SMYD3: variants seen among roughly 807,000 people sequenced by gnomAD.
SMYD3 encodes the protein SET and MYND domain containing 3.
A neutral mutation model predicts 57.7 loss-of-function variants in SMYD3; 36 were observed. The observed-to-expected ratio is 0.62, with a 90% CI of 0.48 to 0.82. SMYD3 has a LOEUF of 0.82. Ranked by LOEUF, SMYD3 falls within the 40% of genes least tolerant of loss-of-function variation. The probability of loss-of-function intolerance (pLI) is 0.00; values close to 1 mark genes in which losing one functional copy is unlikely to be tolerated. For synonymous variants in SMYD3, 211 were observed against 195.0 expected, an observed-to-expected ratio of 1.08 and a Z score of -0.68; for missense variants, 515 against 538.8, an observed-to-expected ratio of 0.96 and a Z score of 0.44.
At chr1:246,002,302 A>T (rs1451929139) in intron 5 of SMYD3, among the ~76,000 whole-genome samples, 1 of 99,958 alleles carries the variant, frequency 1.0e-5, no homozygotes, top group Admixed American at 1.2e-4. Context: ...CTCCTGCCTC[A>T]GCCTCCCGAG....
chr1:246,310,748 C>T (rs1279127252), intron 5 of SMYD3, among the ~76,000 whole-genome samples: 2 of 144,930 alleles, frequency 1.4e-5, no homozygotes, highest in East Asian at 4.4e-4. Flanking sequence ...TGGCTCACTG[C>T]AACCTCTGCC....
intron 8 of SMYD3, among the ~76,000 whole-genome samples, chr1:245,889,734 C>T (rs1051603013): frequency 6.6e-6 from 1 of 152,136 alleles, no homozygotes; most frequent in African/African-American, 2.4e-5. Flanking sequence ...AACAGAAAAA[C>T]TAATCCCCAA....
intron 5 of SMYD3, among the ~76,000 whole-genome samples, chr1:246,120,795 T>C (rs1035700425): frequency 6.6e-6 from 1 of 152,148 alleles, no homozygotes; most frequent in Admixed American, 6.5e-5. Context: ...CTGAATGTAT[T>C]TGGGGTTAGT....
intron 5 of SMYD3, among the ~76,000 whole-genome samples, chr1:246,164,864 C>T (rs534709385): frequency 6.6e-6 from 1 of 152,324 alleles, no homozygotes; most frequent in South Asian, 2.1e-4. Flanking sequence ...TGTTGTGCAA[C>T]AGGTCCCATG....
At position 246,085,712 on chromosome 1, in the gene SMYD3, C is replaced by G. The variant is rs147956196; in HGVS notation, c.532-155775G>C. ...CTCACGTTTAACTGCTTCTTCGGGT[C>G]TTCATTTCCTTATGAAGTCTCCCAT... On this transcript the variant is annotated intron_variant, in intron 5 of 11. Transcript: ENST00000490107. Among the ~76,000 whole-genome samples the G allele has an allele frequency of 1.7e-3, 259 of 152,204 alleles. 1 individual carries two copies. Among genetic ancestry groups the G allele is most frequent in the African/African-American group, 6.1e-3 (255 of 41,514 alleles).
chr1:245,775,278 G>A (rs2046532421), intron 10 of SMYD3, among the ~76,000 whole-genome samples: 1 of 152,216 alleles, frequency 6.6e-6, no homozygotes, highest in African/African-American at 2.4e-5. Context: ...AGTGGAAGGG[G>A]GGAAGTGTGG....
At chr1:246,324,386 G>A (rs2065303285) in intron 5 of SMYD3, among the ~76,000 whole-genome samples, 1 of 140,576 alleles carries the variant, frequency 7.1e-6, no homozygotes, top group African/African-American at 2.7e-5. Context: ...CTGCACCCTA[G>A]CCTGGGCGAC....
chr1:246,143,752 T>C (rs942833060), intron 5 of SMYD3, among the ~76,000 whole-genome samples: 2 of 152,342 alleles, frequency 1.3e-5, no homozygotes, highest in Non-Finnish European at 2.9e-5. Flanking sequence ...TAGATTCTGC[T>C]TATTCATGCT....
chr1:245,817,302 G>C (rs12028860), intron 10 of SMYD3, among the ~76,000 whole-genome samples: 2 of 143,204 alleles, frequency 1.4e-5, no homozygotes, highest in Admixed American at 7.1e-5. Flanking sequence ...CACCTCACAT[G>C]GCAGGGTATT....
chr1:246,384,102 A>G (rs1162989096), intron 1 of SMYD3, among the ~76,000 whole-genome samples: 1 of 152,202 alleles, frequency 6.6e-6, no homozygotes, highest in Non-Finnish European at 1.5e-5. Context: ...TGTATCTCAT[A>G]TGAAGTATTT....
At chr1:245,910,605 G>A (rs2054900362) in intron 8 of SMYD3, among the ~76,000 whole-genome samples, 1 of 151,988 alleles carries the variant, frequency 6.6e-6, no homozygotes, top group East Asian at 1.9e-4. Context: ...ACACATGAAA[G>A]AACGTAGAAA....
rs554007469 is a variant in SMYD3 at position 246,337,226 on chromosome 1, A to G, written c.229-1752T>C. 1.1e-4 allele frequency among the ~76,000 whole-genome samples: 17 copies of G among 152,314 alleles called. No individual in the cohort carries two copies. In the South Asian group the frequency reaches 1.9e-3, roughly 17 times the overall value. ...TTGTCAAGTAAGTTTTAAAAACACAATATCATGTTGACCCTACTTAGAGAT... is the reference window on the plus strand; with the variant it reads ...TTGTCAAGTAAGTTTTAAAAACACAGTATCATGTTGACCCTACTTAGAGAT... On this transcript the variant is annotated intron_variant, in intron 2 of 11. Coordinates refer to ENST00000490107, the MANE Select transcript of SMYD3 (RefSeq NM_001167740.2).
At chr1:246,012,423 G>C (rs1369838224) in intron 5 of SMYD3, among the ~76,000 whole-genome samples, 1 of 152,176 alleles carries the variant, frequency 6.6e-6, no homozygotes, top group African/African-American at 2.4e-5. Context: ...GGGTGCAACA[G>C]AACTTGTAGC....
intron 1 of SMYD3, among the ~76,000 whole-genome samples, chr1:246,363,352 T>A (rs2066038359): frequency 6.6e-6 from 1 of 150,826 alleles, no homozygotes; most frequent in Admixed American, 6.6e-5. Context: ...GAGGGGCGCC[T>A]CTGCCCGGCC....
chr1:245,948,411 G>T (rs548179955), intron 5 of SMYD3, among the ~76,000 whole-genome samples: 1 of 152,274 alleles, frequency 6.6e-6, no homozygotes, highest in Admixed American at 6.5e-5. Flanking sequence ...TGTGGAGAGA[G>T]TAAGTGAGAG....
At chr1:246,335,046 T>G (rs1464894938) in intron 3 of SMYD3, among the ~76,000 whole-genome samples, 1 of 152,190 alleles carries the variant, frequency 6.6e-6, no homozygotes, top group Non-Finnish European at 1.5e-5. Context: ...GCCATCAACA[T>G]CCACCAGCGA....
Position 245,950,303 on chromosome 1 carries a change from G to A in SMYD3, c.532-20366C>T, listed in dbSNP as rs572299824. ...CTGCCCCTTGGCTACCAATTCCCACGTGCCCACAATGTATTTGGAGCTGAG... is the reference window on the plus strand; with the variant it reads ...CTGCCCCTTGGCTACCAATTCCCACATGCCCACAATGTATTTGGAGCTGAG... On this transcript the variant is annotated intron_variant, in intron 5 of 11. Coordinates refer to ENST00000490107, the MANE Select transcript of SMYD3 (RefSeq NM_001167740.2). Among the ~76,000 whole-genome samples, 90 of 152,106 alleles carry A rather than the reference G, an allele frequency of 5.9e-4. 2 individuals carry two copies. The highest frequency in any genetic ancestry group is 3.4e-3 in the Middle Eastern group (1 of 294).
chr1:246,103,454 A>T (rs7530740), intron 5 of SMYD3, among the ~76,000 whole-genome samples: 5 of 151,818 alleles, frequency 3.3e-5, no homozygotes, highest in African/African-American at 1.2e-4. Flanking sequence ...AAAAAAAAAA[A>T]AGCTCGTGCT....
At chr1:246,210,592 C>G (rs1441577845) in intron 5 of SMYD3, among the ~76,000 whole-genome samples, 2 of 151,916 alleles carry the variant, frequency 1.3e-5, no homozygotes, top group Non-Finnish European at 2.9e-5. Context: ...CACCTGTAAT[C>G]TCAGCTACTC....
Sources: allele counts gnomAD v4.1 joint callset (sites outside exome capture counted in the v4.1 genomes callset), GRCh38; gene constraint gnomAD v4.1.1; transcripts MANE v1.5; gene names NCBI Gene and HGNC (gene_info 2026-07-23, HGNC 2026-07-21).